The following KIF7 variants were observed in gnomAD, a reference collection of about 807,000 sequenced individuals.
KIF7 encodes kinesin family member 7, also known as kinesin-like protein KIF7.
A neutral mutation model predicts 135.7 loss-of-function variants in KIF7; 104 were observed. The ratio of observed to expected loss-of-function variants is 0.77; its 90% CI spans 0.65 to 0.90. The LOEUF (loss-of-function observed/expected upper bound fraction) is 0.90. Ranked by LOEUF, KIF7 falls within the 40% of genes least tolerant of loss-of-function variation. The pLI is 0.00. For missense variants in KIF7, 2,005 were observed against 1,839.1 expected (o/e 1.09, Z -1.65); for synonymous variants, 883 against 809.4 (o/e 1.09, Z -1.54).
chr15:89,634,745 G>T (rs2142004418), intron 11 of KIF7, among the ~76,000 whole-genome samples: 1 of 152,348 alleles, frequency 6.6e-6, no homozygotes, highest in African/African-American at 2.4e-5. Context: ...CAGCGAGGCT[G>T]GGGGAGGGGT....
downstream of KIF7, chr15:89,625,047 C>A (rs1268163455): frequency 6.2e-7 from 1 of 1,614,032 alleles, no homozygotes. Flanking sequence ...AGAAGATAGA[C>A]CCCAGCTCTT....
At chr15:89,653,952 C>CA (rs951335646) in intron 1 of KIF7, among the ~76,000 whole-genome samples, 2 of 151,812 alleles carry the variant, frequency 1.3e-5, no homozygotes, top group Non-Finnish European at 2.9e-5. Context: ...CCAACTCCCC[C>CA]AAAAAAAGGC....
rs1567057287 is a variant in KIF7, at chr15:89,629,406, CTGCTCG to C, written c.3480_3485del (p.His1160_Glu1161del). The C allele has an allele frequency of 1.4e-5, 23 of 1,604,592 alleles. No homozygotes were observed. The highest frequency in any genetic ancestry group is 2.0e-5 in the Non-Finnish European group (23 of 1,179,016). On this transcript the variant is annotated inframe_deletion, in exon 17 of 19. Transcript: ENST00000394412. Reference sequence around the variant, plus strand: ...TCTGCTGCAGGAGCAGCTGCATGTTCTGCTCGTGCTCCTTCTGCTGCAGGGTCAGCT... The same window carrying C: ...TCTGCTGCAGGAGCAGCTGCATGTTCTGCTCCTTCTGCTGCAGGGTCAGCT...
upstream of KIF7, among the ~76,000 whole-genome samples, chr15:89,656,356 A>C (rs1246508501): frequency 1.4e-5 from 2 of 146,692 alleles, no homozygotes; most frequent in South Asian, 4.3e-4. Context: ...GGCCTTTTTA[A>C]CTCTTTTTTT....
At chr15:89,631,411 AGAGGGCTGGAGC>A in intron 15 of KIF7, 72 bp downstream of exon 15, 1 of 1,255,740 alleles carries the variant, frequency 8.0e-7, no homozygotes. Context: ...CAGCACCCGC[AGAGGGCTGGAGC>A]AAGGGCTGAG....
At chr15:89,626,805 A>C, downstream of KIF7, 12 of 795,238 alleles carry the variant, frequency 1.5e-5, no homozygotes, top group Non-Finnish European at 2.2e-5. Flanking sequence ...TAAAAAGTGT[A>C]GGTACCATTT....
chr15:89,646,955 G>T lies in KIF7; in HGVS notation c.1663C>A (p.Pro555Thr), dbSNP rs151155363. Reference sequence around the variant, plus strand: ...GGTCGAGGCACAAAGGACCCGGGAGGCAGGCCATTCAGGAGCCGCGGGCCC... The same window carrying T: ...GGTCGAGGCACAAAGGACCCGGGAGTCAGGCCATTCAGGAGCCGCGGGCCC... ...WGGPRLLNGL[P>T]PGSFVPRPHT... is the part of the protein sequence containing the mutation. Residue 555 changes from proline (P) to threonine (T), a missense_variant, in exon 7 of 19, where the codon CCT (proline) becomes ACT (threonine). Physicochemically the swap from Pro to Thr is conservative, Grantham distance 38 (BLOSUM62 -1). Coordinates refer to ENST00000394412, the MANE Select transcript of KIF7 (RefSeq NM_198525.3). The T allele has an allele frequency of 3.7e-6, 6 of 1,613,734 alleles. No individual in the cohort carries two copies. Among genetic ancestry groups the T allele is most frequent in the Non-Finnish European group, 4.2e-6 (5 of 1,179,910 alleles).
upstream of KIF7, among the ~76,000 whole-genome samples, chr15:89,658,889 A>G (rs1311126699): frequency 6.6e-6 from 1 of 152,098 alleles, no homozygotes; most frequent in African/African-American, 2.4e-5. Flanking sequence ...AATAATAATT[A>G]ATGAAATGTA....
In KIF7 at chr15:89,630,434, C is replaced by T. The variant is rs991445665; in HGVS notation, c.3171G>A (p.Glu1057=). The T allele has an allele frequency of 1.6e-5, 25 of 1,596,114 alleles. No homozygotes were observed. The highest frequency in any genetic ancestry group is 1.7e-4 in the Middle Eastern group (1 of 6,034). ...EAIEALDAAI[E]YKNEAITCRQ... Reference sequence around the variant, plus strand: ...GGCATGTGATGGCCTCATTCTTATACTCAATGGCAGCATCCAGGGCCTCGA... The same window carrying T: ...GGCATGTGATGGCCTCATTCTTATATTCAATGGCAGCATCCAGGGCCTCGA... The change falls in exon 16 of 19, where the codon GAG becomes GAA. Residue 1057 remains glutamate (E), a synonymous_variant. Coordinates refer to ENST00000394412, the MANE Select transcript of KIF7 (RefSeq NM_198525.3).
chr15:89,633,674 C>A lies in KIF7; in HGVS notation c.2592+12G>T, dbSNP rs370749315. On this transcript the variant is annotated intron_variant, in intron 12 of 18. Transcript: ENST00000394412. ...CCTGGACAGAAGGTCCCCACCCTGC[C>A]GTGAGCCTGACCTTGACGCGGTGCT... 48 of 1,605,048 alleles carry A rather than the reference C, an allele frequency of 3.0e-5. No individual in the cohort carries two copies. In the African/African-American group the frequency reaches 5.7e-4, roughly 19 times the overall value.
At chr15:89,618,453 G>C (rs189800479) in intron 1 of KIF7, among the ~76,000 whole-genome samples, 1 of 152,320 alleles carries the variant, frequency 6.6e-6, no homozygotes, top group East Asian at 1.9e-4. Context: ...GGGCTAAACT[G>C]TGTTATACAA....
the KIF7 span, among the ~76,000 whole-genome samples, chr15:89,662,958 C>T: frequency 3.7e-4 from 56 of 152,244 alleles, no homozygotes; most frequent in Non-Finnish European, 6.5e-4. Context: ...ATTCCATATG[C>T]GGCCTCCAGC....
chr15:89,638,463 A>C (rs1338819444), intron 11 of KIF7, among the ~76,000 whole-genome samples: 5 of 151,126 alleles, frequency 3.3e-5, no homozygotes, highest in Non-Finnish European at 5.9e-5. Context: ...CAGGATACAA[A>C]ATCAATGTAC....
At chr15:89,633,991 G>T (rs1963746295) in intron 11 of KIF7, 108 bp from the exon 12 acceptor site, 1 of 1,149,388 alleles carries the variant, frequency 8.7e-7, no homozygotes, top group Admixed American at 1.8e-5. Flanking sequence ...TGGGTAGGTG[G>T]GTGATAGACC....
In KIF7 at chr15:89,628,458, G is replaced by A. The variant is rs558106454; in HGVS notation, c.3993C>T (p.Ala1331=). Residue 1331 remains alanine (A), a synonymous_variant, in exon 19 of 19, where the codon GCC becomes GCT. Coordinates refer to ENST00000394412, the MANE Select transcript of KIF7 (RefSeq NM_198525.3). ...LSKPRRELRR[A]SPGMIDVRKN... ...TCCGGACATCAATCATCCCCGGGCT[G>A]GCTCGTCGCAGTTCCCGCCGGGGCT... is the stretch of plus-strand genomic sequence containing the variant. 1 of 1,609,230 alleles carries A rather than the reference G, an allele frequency of 6.2e-7. No individual in the cohort carries two copies. Among genetic ancestry groups the A allele is most frequent in the East Asian group, 2.2e-5 (1 of 44,808 alleles).
chr15:89,640,166 T>C (rs1395901276), intron 11 of KIF7, among the ~76,000 whole-genome samples: 1 of 151,610 alleles, frequency 6.6e-6, no homozygotes, highest in East Asian at 1.9e-4. Flanking sequence ...TGGGGAGGGA[T>C]AGCACTGGGA....
rs369352107 is a variant in KIF7 at position 89,633,125 on chromosome 15, C to T, written c.2718+16G>A. 1.9e-6 allele frequency: 3 copies of T among 1,601,800 alleles called. No homozygotes were observed. The highest frequency in any genetic ancestry group is 2.5e-6 in the Non-Finnish European group (3 of 1,179,780). ...CCCCCAGGGGAGCCCTGGGTGCGGACACAGCCTGGCCCCACCTGCTGCTGT... is the reference window on the plus strand; with the variant it reads ...CCCCCAGGGGAGCCCTGGGTGCGGATACAGCCTGGCCCCACCTGCTGCTGT... On this transcript the variant is annotated intron_variant, in intron 13 of 18. Transcript: ENST00000394412.
At chr15:89,633,617 C>A in intron 12 of KIF7, 69 bp downstream of exon 12, 1 of 1,544,628 alleles carries the variant, frequency 6.5e-7, no homozygotes, top group Non-Finnish European at 8.8e-7. Flanking sequence ...TGCCTGGGCT[C>A]CCCTGGCTGG....
Position 89,645,055 on chromosome 15 carries a change from T to C in KIF7, c.2149A>G (p.Ile717Val). 1 of 1,607,184 alleles carries C rather than the reference T, an allele frequency of 6.2e-7. No individual in the cohort carries two copies. Among genetic ancestry groups the C allele is most frequent in the South Asian group, 1.1e-5 (1 of 91,086 alleles). The change falls in exon 10 of 19, where the codon ATC becomes GTC. Residue 717 changes from isoleucine (I) to valine (V), a missense_variant. Physicochemically the swap from Ile to Val is conservative, Grantham distance 29 (BLOSUM62 3). Coordinates refer to ENST00000394412, the MANE Select transcript of KIF7 (RefSeq NM_198525.3). ...QQKIRELAIN[I>V]RMKEELIGEL... ...CCAATAAGCTCCTCCTTCATGCGGA[T>C]GTTGATAGCCAGCTCCCGGATCTTC...
Sources: allele counts gnomAD v4.1 joint callset (sites outside exome capture counted in the v4.1 genomes callset), GRCh38; gene constraint gnomAD v4.1.1; transcripts MANE v1.5; gene names NCBI Gene and HGNC (gene_info 2026-07-23, HGNC 2026-07-21).